VTI1A: variants seen among roughly 807,000 people sequenced by gnomAD.
VTI1A encodes vesicle transport through interaction with t-SNAREs 1A.
Under a neutral mutation model 34.9 loss-of-function variants are expected in VTI1A, and 22 were observed. The ratio of observed to expected loss-of-function variants is 0.63; its 90% CI spans 0.45 to 0.90. The LOEUF (loss-of-function observed/expected upper bound fraction) is 0.90, where lower values mean the gene tolerates loss of function less well. VTI1A is among the 40% of genes least tolerant of loss of function. The pLI is 0.00. For synonymous variants in VTI1A, 87 were observed against 97.3 expected (o/e 0.89, Z 0.62); for missense variants, 268 against 275.6 (o/e 0.97, Z 0.20).
intron 3 of VTI1A, among the ~76,000 whole-genome samples, chr10:112,501,917 A>G (rs1485122212): frequency 6.6e-6 from 1 of 151,988 alleles, no homozygotes; most frequent in East Asian, 1.9e-4. Flanking sequence ...TCGAGTTTCC[A>G]CAATATTATA....
intron 7 of VTI1A, among the ~76,000 whole-genome samples, chr10:112,685,639 T>C (rs1170563812): frequency 6.7e-6 from 1 of 149,056 alleles, no homozygotes; most frequent in Non-Finnish European, 1.5e-5. Context: ...GCATTCTTTC[T>C]CAGAATCTTT....
intron 7 of VTI1A, among the ~76,000 whole-genome samples, chr10:112,748,218 G>A (rs1414121231): frequency 1.3e-5 from 2 of 152,032 alleles, no homozygotes; most frequent in African/African-American, 4.8e-5. Flanking sequence ...CCACGGCAAA[G>A]CCTAAATACA....
At position 112,468,637 on chromosome 10, in the gene VTI1A, AC is replaced by A. The variant is rs548141628; in HGVS notation, c.264+3983del. Among the ~76,000 whole-genome samples, 738 of 152,048 alleles carry A rather than the reference AC, an allele frequency of 4.9e-3. 5 individuals are homozygous for A. The highest frequency in any genetic ancestry group is 0.017 in the African/African-American group (694 of 41,464). The stretch of plus-strand genomic sequence containing the variant: ...CCCAGCCGTTCCTTCTCCTCTGCCT[AC>A]CCTTTGGATGCCTGGATCCTTCAGG... On this transcript the variant is annotated intron_variant, in intron 3 of 7. Coordinates refer to ENST00000393077, the MANE Select transcript of VTI1A (RefSeq NM_145206.4).
At chr10:112,630,469 T>A (rs1036914656) in intron 5 of VTI1A, among the ~76,000 whole-genome samples, 1 of 152,214 alleles carries the variant, frequency 6.6e-6, no homozygotes, top group Non-Finnish European at 1.5e-5. Context: ...GATATTTACC[T>A]ATATCATTGC....
intron 3 of VTI1A, among the ~76,000 whole-genome samples, chr10:112,511,624 T>C (rs1422714304): frequency 1.3e-5 from 2 of 152,128 alleles, no homozygotes; most frequent in East Asian, 1.9e-4. Context: ...GTTAAGTATA[T>C]TCACTCTACT....
rs372707896 is a variant in VTI1A at position 112,593,781 on chromosome 10, G to A, written c.427+55451G>A. On this transcript the variant is annotated intron_variant, in intron 5 of 7. Transcript: ENST00000393077. The stretch of plus-strand genomic sequence containing the variant: ...AGACGGAGTCTTGCTCTGTCACTCA[G>A]GCTGGAGTGCAGCGCCACAATCTCG... Among the ~76,000 whole-genome samples, 87 of 152,040 alleles carry A rather than the reference G, an allele frequency of 5.7e-4. 1 individual carries two copies. The highest frequency in any genetic ancestry group is 1.9e-3 in the African/African-American group (80 of 41,494).
At chr10:112,777,879 G>T (rs1851997268) in intron 7 of VTI1A, among the ~76,000 whole-genome samples, 1 of 152,190 alleles carries the variant, frequency 6.6e-6, no homozygotes, top group Admixed American at 6.5e-5. Context: ...GAGACAGGTG[G>T]ATCACCTGAG....
intron 5 of VTI1A, among the ~76,000 whole-genome samples, chr10:112,588,265 A>G (rs935708573): frequency 6.6e-6 from 1 of 152,310 alleles, no homozygotes; most frequent in Non-Finnish European, 1.5e-5. Flanking sequence ...TTTTCCAGCT[A>G]ATCTAAAATA....
intron 7 of VTI1A, among the ~76,000 whole-genome samples, chr10:112,679,877 A>C (rs549270826): frequency 6.6e-6 from 1 of 152,252 alleles, no homozygotes; most frequent in African/African-American, 2.4e-5. Flanking sequence ...GCCATAGGGC[A>C]GTGGTTCCTA....
intron 7 of VTI1A, among the ~76,000 whole-genome samples, chr10:112,756,946 T>C (rs1200857326): frequency 1.3e-5 from 2 of 151,274 alleles, no homozygotes; most frequent in Non-Finnish European, 2.9e-5. Context: ...CTCAAGAGGC[T>C]GAGGTGGGAG....
At chr10:112,739,136 T>A (rs897497179) in intron 7 of VTI1A, among the ~76,000 whole-genome samples, 2 of 152,216 alleles carry the variant, frequency 1.3e-5, no homozygotes, top group Non-Finnish European at 2.9e-5. Flanking sequence ...CACCTTGTCA[T>A]ACTTGTGTGT....
At chr10:112,811,008 A>G (rs1853267418) in intron 7 of VTI1A, among the ~76,000 whole-genome samples, 1 of 152,180 alleles carries the variant, frequency 6.6e-6, no homozygotes, top group South Asian at 2.1e-4. Context: ...AATACATGAA[A>G]CCAGAGCCTC....
chr10:112,780,600 C>T (rs917101243), intron 7 of VTI1A, among the ~76,000 whole-genome samples: 1 of 152,006 alleles, frequency 6.6e-6, no homozygotes, highest in Non-Finnish European at 1.5e-5. Context: ...AGAGTCAGAG[C>T]TCAATATGCA....
chr10:112,755,743 C>T (rs1851261381), intron 7 of VTI1A, among the ~76,000 whole-genome samples: 1 of 152,140 alleles, frequency 6.6e-6, no homozygotes, highest in Non-Finnish European at 1.5e-5. Context: ...AAATAATAAA[C>T]ATACTTGTGT....
chr10:112,610,302 G>A lies in VTI1A; in HGVS notation c.428-57916G>A, dbSNP rs544382194. Among the ~76,000 whole-genome samples, 6 of 152,018 alleles carry A rather than the reference G, an allele frequency of 3.9e-5. No homozygotes were observed. In the East Asian group the frequency reaches 9.7e-4, roughly 25 times the overall value. On this transcript the variant is annotated intron_variant, in intron 5 of 7. Transcript: ENST00000393077. ...GCTTCAAAGAAGCCAATGATGAGCT[G>A]TTGTTGCCCTAGGTAAAAGCCCCCA...
the VTI1A span, among the ~76,000 whole-genome samples, chr10:112,846,949 G>A: frequency 3.9e-5 from 6 of 152,118 alleles, no homozygotes; most frequent in African/African-American, 1.4e-4. Flanking sequence ...AAGACTCCAG[G>A]AGGAATGCAG....
intron 5 of VTI1A, among the ~76,000 whole-genome samples, chr10:112,623,772 G>A (rs1038811705): frequency 1.3e-5 from 2 of 152,150 alleles, no homozygotes; most frequent in Non-Finnish European, 2.9e-5. Context: ...AAAATACTGC[G>A]AGGGTTTCCA....
chr10:112,486,190 G>T (rs1848620475), intron 3 of VTI1A, among the ~76,000 whole-genome samples: 1 of 152,082 alleles, frequency 6.6e-6, no homozygotes, highest in Non-Finnish European at 1.5e-5. Context: ...GTTTATGGAG[G>T]CTTATATGTG....
chr10:112,792,564 T>C (rs1223139942), intron 7 of VTI1A, among the ~76,000 whole-genome samples: 1 of 152,172 alleles, frequency 6.6e-6, no homozygotes, highest in African/African-American at 2.4e-5. Flanking sequence ...TTTATGAGCA[T>C]TGGAATTTTG....
Sources: gnomAD v4.1 joint callset for allele counts (sites outside exome capture counted in the v4.1 genomes callset) on GRCh38, gnomAD v4.1.1 for gene constraint, MANE v1.5 for transcripts, NCBI Gene and HGNC (gene_info 2026-07-23, HGNC 2026-07-21) for gene names.